The following TPO variants were observed in gnomAD, a reference collection of about 807,000 sequenced individuals.
TPO encodes thyroid peroxidase.
A neutral mutation model predicts 96.9 loss-of-function variants in TPO; 78 were observed. That is an observed-to-expected ratio of 0.81 (90% CI 0.67 to 0.97). The LOEUF (loss-of-function observed/expected upper bound fraction) is 0.97. Among genes scored for constraint, TPO ranks in the 50% least tolerant of loss-of-function variants. TPO has a pLI of 0.00. For synonymous variants in TPO, 547 were observed against 538.0 expected, an observed-to-expected ratio of 1.02 and a Z score of -0.23; for missense variants, 1,252 against 1,274.8, an observed-to-expected ratio of 0.98 and a Z score of 0.27.
At chr2:1,529,339 C>T (rs370861778) in intron 15 of TPO, among the ~76,000 whole-genome samples, 1 of 78,314 alleles carries the variant, frequency 1.3e-5, no homozygotes, top group Non-Finnish European at 2.4e-5. Context: ...AATTCCCCCA[C>T]TGTGTGCAAC....
chr2:1,432,897 A>G (rs1246495634), intron 3 of TPO, among the ~76,000 whole-genome samples: 1 of 151,924 alleles, frequency 6.6e-6, no homozygotes, highest in African/African-American at 2.4e-5. Context: ...GGCTTCACAT[A>G]TTTCTTATTC....
chr2:1,422,316 A>C (rs4927605), intron 2 of TPO, among the ~76,000 whole-genome samples: 4,215 of 67,480 alleles, frequency 0.062, 161 homozygotes, highest in African/African-American at 0.12. Context: ...TCTCCTGGAC[A>C]GACCTCGTGC....
rs751474455 is a variant in TPO at position 1,494,043 on chromosome 2, C to T, written c.2006+4C>T. The T allele has an allele frequency of 3.1e-6, 5 of 1,613,246 alleles. No individual in the cohort carries two copies. Among genetic ancestry groups the T allele is most frequent in the South Asian group, 1.1e-5 (1 of 91,066 alleles). On this transcript the variant is annotated splice_donor_region_variant and intron_variant, in intron 11 of 16. Coordinates refer to ENST00000329066, the MANE Select transcript of TPO (RefSeq NM_001206744.2). Reference sequence around the variant, plus strand: ...AGGCTCTGCGGGACGGTGACTGGTACGTTCCTATCCAGAGCGTCTTCCTTC... The same window carrying T: ...AGGCTCTGCGGGACGGTGACTGGTATGTTCCTATCCAGAGCGTCTTCCTTC...
chr2:1,402,563 G>T (rs986184207), intron 1 of TPO, among the ~76,000 whole-genome samples: 1 of 152,146 alleles, frequency 6.6e-6, no homozygotes, highest in Non-Finnish European at 1.5e-5. Context: ...GGGTTAATGG[G>T]CTCACAATTT....
intron 3 of TPO, among the ~76,000 whole-genome samples, chr2:1,426,118 C>G (rs977770443): frequency 5.5e-5 from 8 of 145,826 alleles, no homozygotes; most frequent in Non-Finnish European, 1.2e-4. Context: ...CCTCAGAAGT[C>G]TATGCTCCTT....
chr2:1,395,167 A>C (rs976287710), intron 1 of TPO, among the ~76,000 whole-genome samples: 1 of 152,138 alleles, frequency 6.6e-6, no homozygotes, highest in Non-Finnish European at 1.5e-5. Flanking sequence ...CTGCCTCTCC[A>C]GGCAGCTCCA....
intron 7 of TPO, among the ~76,000 whole-genome samples, chr2:1,464,245 GAGT>G (rs757320138): frequency 6.6e-6 from 1 of 152,166 alleles, no homozygotes; most frequent in Non-Finnish European, 1.5e-5. Context: ...TTTTATGGCT[GAGT>G]AGTATTCCAT....
intron 7 of TPO, among the ~76,000 whole-genome samples, chr2:1,473,952 A>G (rs1228294782): frequency 2.0e-5 from 3 of 152,156 alleles, no homozygotes; most frequent in African/African-American, 7.2e-5. Context: ...AGAAAAAATA[A>G]TTTTATTATG....
chr2:1,421,755 G>T (rs28910010), intron 2 of TPO, among the ~76,000 whole-genome samples: 1 of 152,290 alleles, frequency 6.6e-6, no homozygotes, highest in South Asian at 2.1e-4. Context: ...CATAAAGCCC[G>T]GAATGCTGGT....
At chr2:1,526,221 C>G (rs1340298920) in intron 15 of TPO, among the ~76,000 whole-genome samples, 1 of 113,418 alleles carries the variant, frequency 8.8e-6, no homozygotes, top group Admixed American at 9.7e-5. Context: ...CTCAAATCCC[C>G]CCGATGTGTG....
rs1338883386 is a variant in TPO, at chr2:1,542,407, C to T, written c.2749-14C>T. ...AATTCAGACGTTATTAATGTTTGTT[C>T]TGCATTTTTGCAGGAGAGTGCTGGG... On this transcript the variant is annotated splice_polypyrimidine_tract_variant and intron_variant, in intron 16 of 16. Transcript: ENST00000329066. 1 of 1,614,146 alleles carries T rather than the reference C, an allele frequency of 6.2e-7. No individual in the cohort carries two copies. Among genetic ancestry groups the T allele is most frequent in the Non-Finnish European group, 8.5e-7 (1 of 1,180,010 alleles).
intron 3 of TPO, among the ~76,000 whole-genome samples, chr2:1,429,482 C>T (rs911816314): frequency 3.9e-5 from 6 of 152,158 alleles, no homozygotes; most frequent in Non-Finnish European, 8.8e-5. Context: ...GAAATTGTGG[C>T]AGTGGCTTTG....
At chr2:1,422,800 C>T (rs969624249) in intron 2 of TPO, among the ~76,000 whole-genome samples, 5 of 152,148 alleles carry the variant, frequency 3.3e-5, no homozygotes, top group Non-Finnish European at 7.3e-5. Flanking sequence ...TGGGCAAGTG[C>T]GAAATTAAGG....
rs114928012 is a variant in TPO at position 1,482,879 on chromosome 2, G to A, written c.1339-1717G>A. ...AAATTTTTTTGTAGAAACAGAGTCTGACTGTGTTGCCCAGGCTGGTCTTGA... is the reference window on the plus strand; with the variant it reads ...AAATTTTTTTGTAGAAACAGAGTCTAACTGTGTTGCCCAGGCTGGTCTTGA... On this transcript the variant is annotated intron_variant, in intron 8 of 16. Coordinates refer to ENST00000329066, the MANE Select transcript of TPO (RefSeq NM_001206744.2). 8.9e-3 allele frequency among the ~76,000 whole-genome samples: 1,361 copies of A among 152,270 alleles called. 31 individuals are homozygous for A. The highest frequency in any genetic ancestry group is 0.031 in the African/African-American group (1,279 of 41,560).
intron 15 of TPO, among the ~76,000 whole-genome samples, 195 bp from the exon 16 acceptor site, chr2:1,540,399 A>C (rs1468953292): frequency 6.8e-6 from 1 of 147,084 alleles, no homozygotes; most frequent in Non-Finnish European, 1.5e-5. Context: ...TTTTCCTATG[A>C]AGAGAGCAGT....
intron 5 of TPO, chr2:1,439,110 A>G (rs2148513587): frequency 2.3e-6 from 1 of 429,334 alleles, no homozygotes; most frequent in Non-Finnish European, 4.2e-6. Flanking sequence ...CTCAGCCGGC[A>G]GCAGTGAGTT....
intron 5 of TPO, among the ~76,000 whole-genome samples, chr2:1,437,412 C>T (rs569861320): frequency 2.0e-5 from 3 of 151,962 alleles, no homozygotes; most frequent in African/African-American, 7.2e-5. Context: ...ACTCGAGCTC[C>T]TCACTGCTGG....
chr2:1,487,774 A>G, intron 9 of TPO, 47 bp from the exon 10 acceptor site: 1 of 1,612,816 alleles, frequency 6.2e-7, no homozygotes, highest in Non-Finnish European at 8.5e-7. Context: ...TTGTTTCTCT[A>G]GAACTGAGCC....
chr2:1,431,125 A>C (rs1281209323), intron 3 of TPO, among the ~76,000 whole-genome samples: 1 of 152,056 alleles, frequency 6.6e-6, no homozygotes, highest in Non-Finnish European at 1.5e-5. Flanking sequence ...TGGATGTTGG[A>C]GGTGAGGCCT....
Sources: allele counts gnomAD v4.1 joint callset (sites outside exome capture counted in the v4.1 genomes callset), GRCh38; gene constraint gnomAD v4.1.1; transcripts MANE v1.5; gene names NCBI Gene and HGNC (gene_info 2026-07-23, HGNC 2026-07-21).